NDRG3: variants seen among roughly 807,000 people sequenced by gnomAD.
NDRG3 encodes the protein NDRG family member 3.
NDRG3 carries 23 observed loss-of-function variants against 57.2 expected under a neutral mutation model. That is an observed-to-expected ratio of 0.40 (90% CI 0.29 to 0.57). NDRG3 has a LOEUF of 0.57. NDRG3 is among the 20% of genes least tolerant of loss of function. The probability of loss-of-function intolerance (pLI) is 0.42; values close to 1 mark genes in which losing one functional copy is unlikely to be tolerated. For synonymous variants in NDRG3, 132 were observed against 162.6 expected, an observed-to-expected ratio of 0.81 and a Z score of 1.43; for missense variants, 384 against 457.3, an observed-to-expected ratio of 0.84 and a Z score of 1.46.
chr20:36,698,374 G>A (rs960136413), intron 3 of NDRG3, among the ~76,000 whole-genome samples: 3 of 151,832 alleles, frequency 2.0e-5, no homozygotes, highest in African/African-American at 7.3e-5. Flanking sequence ...AGGACTGCTC[G>A]AGCCCAGGAG....
chr20:36,732,275 C>T (rs1178335664), intron 1 of NDRG3, among the ~76,000 whole-genome samples: 1 of 152,068 alleles, frequency 6.6e-6, no homozygotes, highest in East Asian at 1.9e-4. Flanking sequence ...AGCAAAACTC[C>T]GAAATAGAAA....
chr20:36,709,389 G>C (rs1254456308), intron 2 of NDRG3, among the ~76,000 whole-genome samples: 1 of 152,154 alleles, frequency 6.6e-6, no homozygotes, highest in East Asian at 1.9e-4. Flanking sequence ...TGGCAGTAAA[G>C]TCACAACAGA....
At chr20:36,723,917 G>A (rs969165594) in intron 1 of NDRG3, among the ~76,000 whole-genome samples, 1 of 151,924 alleles carries the variant, frequency 6.6e-6, no homozygotes, top group African/African-American at 2.4e-5. Context: ...ATGTTAGCCC[G>A]GCTGGTCTTG....
chr20:36,715,006 GTATATATATA>G (rs545495779), intron 2 of NDRG3, among the ~76,000 whole-genome samples: 1,123 of 26,548 alleles, frequency 0.042, 24 homozygotes, highest in Middle Eastern at 0.062. Context: ...GTGTGTGTGT[GTATATATATA>G]TATATATATA....
At chr20:36,739,133 TCAAAAAAAA>T (rs1194178538) in intron 1 of NDRG3, among the ~76,000 whole-genome samples, 3 of 31,526 alleles carry the variant, frequency 9.5e-5, no homozygotes, top group African/African-American at 3.9e-4. Flanking sequence ...AGACCCCATC[TCAAAAAAAA>T]AAAAAAAAAA....
At chr20:36,739,134 CAA>C (rs57208101) in intron 1 of NDRG3, among the ~76,000 whole-genome samples, 32 of 87,278 alleles carry the variant, frequency 3.7e-4, no homozygotes, top group African/African-American at 1.5e-3. Flanking sequence ...GACCCCATCT[CAA>C]AAAAAAAAAA....
At chr20:36,713,783 T>C (rs1417010254) in intron 2 of NDRG3, among the ~76,000 whole-genome samples, 1 of 152,094 alleles carries the variant, frequency 6.6e-6, no homozygotes, top group Non-Finnish European at 1.5e-5. Flanking sequence ...AGATACTTGA[T>C]TTGAGGAAGA....
rs150403859 is a variant in NDRG3 at position 36,683,725 on chromosome 20, T to C, written c.383+688A>G. On this transcript the variant is annotated intron_variant, in intron 6 of 15. Transcript: ENST00000349004. ...ACACACACACACACATATAAAAATA[T>C]ATATAACTGAAACCTGGGAGTTATC... is the stretch of plus-strand genomic sequence containing the variant. 4.3e-3 allele frequency among the ~76,000 whole-genome samples: 657 copies of C among 151,424 alleles called. 7 individuals are homozygous for C. The highest frequency in any genetic ancestry group is 0.015 in the African/African-American group (625 of 41,284).
chr20:36,703,297 C>T (rs910629478), intron 3 of NDRG3, among the ~76,000 whole-genome samples: 2 of 151,830 alleles, frequency 1.3e-5, no homozygotes, highest in African/African-American at 2.4e-5. Context: ...CTATAGTTAT[C>T]TGTAATATAT....
At chr20:36,714,988 G>C (rs1984151613) in intron 2 of NDRG3, among the ~76,000 whole-genome samples, 1 of 31,578 alleles carries the variant, frequency 3.2e-5, no homozygotes, top group Admixed American at 5.5e-4. Flanking sequence ...ATATCTGTGT[G>C]TGTGTGTGTG....
chr20:36,675,694 A>C (rs1980627423), intron 8 of NDRG3, among the ~76,000 whole-genome samples: 1 of 150,578 alleles, frequency 6.6e-6, no homozygotes, highest in Non-Finnish European at 1.5e-5. Flanking sequence ...CCTACTTTTA[A>C]AATTTTTTGT....
At chr20:36,710,998 G>A (rs1983839051) in intron 2 of NDRG3, among the ~76,000 whole-genome samples, 1 of 148,422 alleles carries the variant, frequency 6.7e-6, no homozygotes, top group African/African-American at 2.5e-5. Context: ...AAATAAATAA[G>A]GGCCAGGCGT....
chr20:36,739,909 CAA>C (rs774462877), intron 1 of NDRG3, among the ~76,000 whole-genome samples: 122 of 41,602 alleles, frequency 2.9e-3, no homozygotes, highest in African/African-American at 9.1e-3. Flanking sequence ...GACTCCGTCT[CAA>C]AAAAAAAAAA....
chr20:36,697,775 G>T (rs1376702111), intron 3 of NDRG3, among the ~76,000 whole-genome samples: 1 of 151,394 alleles, frequency 6.6e-6, no homozygotes, highest in Non-Finnish European at 1.5e-5. Context: ...AACCATGAAT[G>T]GTGCCATGTA....
intron 3 of NDRG3, among the ~76,000 whole-genome samples, chr20:36,695,380 G>A (rs951217301): frequency 6.6e-6 from 1 of 152,188 alleles, no homozygotes; most frequent in Non-Finnish European, 1.5e-5. Context: ...TAACCATTAG[G>A]TCTGACTGCC....
chr20:36,705,358 A>G (rs1413518063), intron 3 of NDRG3, among the ~76,000 whole-genome samples: 1 of 151,274 alleles, frequency 6.6e-6, no homozygotes, highest in Non-Finnish European at 1.5e-5. Context: ...AAAAGAAAAG[A>G]AAAAAAACCC....
chr20:36,700,512 T>C (rs767744629), intron 3 of NDRG3: 1 of 531,460 alleles, frequency 1.9e-6, no homozygotes. Context: ...TGAAGATGAA[T>C]GTGCAGAGAC....
chr20:36,712,150 G>A (rs1184646136), intron 2 of NDRG3, among the ~76,000 whole-genome samples: 1 of 151,344 alleles, frequency 6.6e-6, no homozygotes, highest in Non-Finnish European at 1.5e-5. Context: ...CTTGAAGAAT[G>A]GCTTCTAGCT....
At chr20:36,712,006 C>G (rs1268860560) in intron 2 of NDRG3, among the ~76,000 whole-genome samples, 1 of 152,174 alleles carries the variant, frequency 6.6e-6, no homozygotes, top group Non-Finnish European at 1.5e-5. Flanking sequence ...GTCTCGATCT[C>G]CTGACCTCGT....
Sources: allele counts gnomAD v4.1 joint callset (sites outside exome capture counted in the v4.1 genomes callset), GRCh38; gene constraint gnomAD v4.1.1; transcripts MANE v1.5; gene names NCBI Gene and HGNC (gene_info 2026-07-23, HGNC 2026-07-21).